The following LINGO2 variants were observed in gnomAD, a reference collection of about 807,000 sequenced individuals.
The protein encoded by LINGO2 is leucine rich repeat and Ig domain containing 2, also known as leucine-rich repeat and immunoglobulin-like domain-containing nogo receptor-interacting protein 2.
LINGO2 carries 14 observed loss-of-function variants against 30.6 expected under a neutral mutation model. The observed-to-expected ratio is 0.46, with a 90% CI of 0.30 to 0.72. The LOEUF is 0.72. Among genes scored for constraint, LINGO2 ranks in the 30% least tolerant of loss-of-function variants. The pLI is 0.07. For missense variants in LINGO2, 729 were observed against 751.7 expected (o/e 0.97, Z 0.35); for synonymous variants, 317 against 288.5 (o/e 1.10, Z -1.00).
chr9:28,854,707 A>G, the LINGO2 span, among the ~76,000 whole-genome samples: 1 of 152,114 alleles, frequency 6.6e-6, no homozygotes, highest in Non-Finnish European at 1.5e-5. Flanking sequence ...GGCAGTCAAA[A>G]TTCAGGTGAC....
chr9:28,370,634 T>C (rs1375687113), intron 3 of LINGO2, among the ~76,000 whole-genome samples: 5 of 152,164 alleles, frequency 3.3e-5, no homozygotes, highest in African/African-American at 1.2e-4. Context: ...TTTTGAGAAA[T>C]GCTTAAAAAT....
the LINGO2 span, among the ~76,000 whole-genome samples, chr9:29,162,765 T>A: frequency 8.9e-4 from 135 of 152,302 alleles, 1 homozygote; most frequent in South Asian, 4.6e-3. Context: ...AATTTTAATA[T>A]CAAATCAAAT....
In LINGO2 at chr9:28,254,501, T is replaced by C. The variant is rs1042253041; in HGVS notation, c.-87+40707A>G. Among the ~76,000 whole-genome samples the C allele has an allele frequency of 4.6e-5, 7 of 152,154 alleles. 1 individual carries two copies. The South Asian group carries it at 1.4e-3, about 32-fold the overall frequency. On this transcript the variant is annotated intron_variant, in intron 4 of 5. Coordinates refer to ENST00000379992, the Ensembl canonical transcript of LINGO2. ...GATAGACACATATGTATTTATTTCA[T>C]ATCTGGTGCAAAGAATATATCATCA...
At chr9:28,867,729 A>G in the LINGO2 span, among the ~76,000 whole-genome samples, 1 of 152,180 alleles carries the variant, frequency 6.6e-6, no homozygotes, top group Non-Finnish European at 1.5e-5. Context: ...TAATCTGTCC[A>G]AGGTTAAACA....
chr9:29,211,934 C>G, the LINGO2 span, among the ~76,000 whole-genome samples: 4 of 152,166 alleles, frequency 2.6e-5, no homozygotes, highest in South Asian at 4.1e-4. Context: ...ACACATACAA[C>G]AGAGCACCAC....
intron 4 of LINGO2, among the ~76,000 whole-genome samples, chr9:28,044,476 GA>G (rs1476189796): frequency 1.3e-5 from 2 of 152,140 alleles, no homozygotes; most frequent in Non-Finnish European, 2.9e-5. Flanking sequence ...TAAGAACATA[GA>G]CAACCTGAAA....
the LINGO2 span, among the ~76,000 whole-genome samples, chr9:28,745,156 C>T: frequency 3.3e-5 from 5 of 152,158 alleles, no homozygotes; most frequent in South Asian, 2.1e-4. Context: ...GGCATCAACA[C>T]GGTCTTCCAG....
At chr9:28,103,064 T>C (rs1480749638) in intron 4 of LINGO2, among the ~76,000 whole-genome samples, 4 of 152,278 alleles carry the variant, frequency 2.6e-5, no homozygotes, top group Admixed American at 2.6e-4. Flanking sequence ...AACATACTTA[T>C]ATATAGGTCA....
the LINGO2 span, among the ~76,000 whole-genome samples, chr9:28,770,328 T>C: frequency 6.6e-6 from 1 of 152,182 alleles, no homozygotes. Flanking sequence ...TTTGACTCTA[T>C]GGGGATTCTC....
At chr9:28,728,869 G>C in the LINGO2 span, among the ~76,000 whole-genome samples, 1 of 152,056 alleles carries the variant, frequency 6.6e-6, no homozygotes, top group African/African-American at 2.4e-5. Context: ...AGAACGTCTG[G>C]ACCTGGACGC....
chr9:29,128,984 T>G, the LINGO2 span, among the ~76,000 whole-genome samples: 1 of 152,112 alleles, frequency 6.6e-6, no homozygotes, highest in Non-Finnish European at 1.5e-5. Context: ...AAAAGAAATG[T>G]CTTTAGAATT....
At chr9:29,138,373 C>T in the LINGO2 span, among the ~76,000 whole-genome samples, 1 of 152,094 alleles carries the variant, frequency 6.6e-6, no homozygotes, top group African/African-American at 2.4e-5. Flanking sequence ...TTGCCTCTGA[C>T]ATTGCCCTTT....
the LINGO2 span, among the ~76,000 whole-genome samples, chr9:28,951,639 C>G: frequency 6.6e-6 from 1 of 152,024 alleles, no homozygotes; most frequent in Non-Finnish European, 1.5e-5. Flanking sequence ...TTCTGAGACA[C>G]CAACACTGGC....
chr9:28,494,595 A>C (rs530606845), intron 1 of LINGO2, among the ~76,000 whole-genome samples: 8 of 152,138 alleles, frequency 5.3e-5, no homozygotes, highest in African/African-American at 1.9e-4. Context: ...TATGTGCCAC[A>C]TTTTCTTAAT....
At chr9:28,436,519 G>A (rs796137927) in intron 2 of LINGO2, among the ~76,000 whole-genome samples, 14 of 151,760 alleles carry the variant, frequency 9.2e-5, no homozygotes, top group African/African-American at 2.7e-4. Context: ...ATGCAGTGGC[G>A]CAGTCTCGGC....
At chr9:28,669,993 C>A (rs1254835430) in intron 1 of LINGO2, among the ~76,000 whole-genome samples, 1 of 151,910 alleles carries the variant, frequency 6.6e-6, no homozygotes, top group Non-Finnish European at 1.5e-5. Flanking sequence ...ATAAACCCAG[C>A]AGTGGATTGT....
chr9:28,163,423 GAATA>G (rs2133610222), intron 4 of LINGO2, among the ~76,000 whole-genome samples: 1 of 152,010 alleles, frequency 6.6e-6, no homozygotes, highest in South Asian at 2.1e-4. Context: ...GTTATTTTTA[GAATA>G]TATATTAAAA....
At chr9:28,965,510 G>A in the LINGO2 span, among the ~76,000 whole-genome samples, 34 of 152,060 alleles carry the variant, frequency 2.2e-4, no homozygotes, top group African/African-American at 7.2e-4. Context: ...CGCATTGTAA[G>A]TTCTGTAATT....
chr9:28,919,287 A>G, the LINGO2 span, among the ~76,000 whole-genome samples: 1 of 152,052 alleles, frequency 6.6e-6, no homozygotes, highest in East Asian at 1.9e-4. Flanking sequence ...ATGAATCCGT[A>G]TGATGATGAT....
Sources: allele counts gnomAD v4.1 joint callset (sites outside exome capture counted in the v4.1 genomes callset), GRCh38; gene constraint gnomAD v4.1.1; transcripts MANE v1.5; gene names NCBI Gene and HGNC (gene_info 2026-07-23, HGNC 2026-07-21).